Variants in CLASRP observed in about 807,000 individuals in gnomAD.
CLASRP encodes the protein CLK4-associating serine/arginine rich protein.
A neutral mutation model predicts 99.9 loss-of-function variants in CLASRP; 52 were observed. The ratio of observed to expected loss-of-function variants is 0.52; its 90% CI spans 0.42 to 0.66. The LOEUF (loss-of-function observed/expected upper bound fraction) is 0.66, where lower values mean the gene tolerates loss of function less well. CLASRP is among the 30% of genes least tolerant of loss of function. The probability of loss-of-function intolerance (pLI) is 0.00; values close to 1 mark genes in which losing one functional copy is unlikely to be tolerated. For missense variants in CLASRP, 848 were observed against 999.2 expected, an observed-to-expected ratio of 0.85 and a Z score of 2.04; for synonymous variants, 379 against 373.0, an observed-to-expected ratio of 1.02 and a Z score of -0.18.
chr19:45,062,692 C>CT lies in CLASRP; in HGVS notation c.905+500dup, dbSNP rs1448604051. ...CACCACGCCCGGCCAATAAAATTTT[C>CT]TTTATCTTTGAAGCTTCTTTATTTT... On this transcript the variant is annotated intron_variant, in intron 11 of 20. Transcript: ENST00000221455. 4.6e-5 allele frequency among the ~76,000 whole-genome samples: 7 copies of CT among 152,224 alleles called. No individual in the cohort carries two copies. The East Asian group carries it at 1.4e-3, about 29-fold the overall frequency.
At position 45,068,004 on chromosome 19, in the gene CLASRP, C is replaced by T. The variant is rs772968886; in HGVS notation, c.1668-11C>T. The T allele has an allele frequency of 3.1e-6, 5 of 1,608,260 alleles. No homozygotes were observed. The highest frequency in any genetic ancestry group is 2.2e-5 in the South Asian group (2 of 90,948). ...CTCCCAACCATGTCCTCTGGCCCTG[C>T]CCCCACCCAGGACCGAACCTGCCGC... On this transcript the variant is annotated splice_polypyrimidine_tract_variant and intron_variant, in intron 14 of 20. Coordinates refer to ENST00000221455, the MANE Select transcript of CLASRP (RefSeq NM_007056.3).
intron 5 of CLASRP, among the ~76,000 whole-genome samples, chr19:45,055,557 G>A (rs540393540): frequency 6.6e-5 from 10 of 152,294 alleles, no homozygotes; most frequent in Non-Finnish European, 1.2e-4. Context: ...GAGGCCAGCC[G>A]GGCACGGTGG....
At position 45,040,062 on chromosome 19, in the gene CLASRP, T is replaced by G. The variant is rs1421659456; in HGVS notation, c.-29-122T>G. On this transcript the variant is annotated intron_variant, in intron 1 of 20. Coordinates refer to ENST00000221455, the MANE Select transcript of CLASRP (RefSeq NM_007056.3). ...TACTGTTCTGCAGCTTCACTTCTGC[T>G]CCCTGAAGCTAAGAGATGTGTTGTT... 1.6e-5 allele frequency: 9 copies of G among 578,968 alleles called. No individual in the cohort carries two copies. In the Admixed American group the frequency reaches 2.6e-4, roughly 17 times the overall value. 35.9% of individuals were successfully genotyped at this position (578,968 alleles called of 1,614,324 possible).
intron 13 of CLASRP, among the ~76,000 whole-genome samples, chr19:45,065,958 G>T (rs1211807726): frequency 6.6e-6 from 1 of 152,184 alleles, no homozygotes; most frequent in Non-Finnish European, 1.5e-5. Flanking sequence ...TTCAGGGTCT[G>T]GCAGGTAAAG....
chr19:45,059,165 C>A, intron 7 of CLASRP, 103 bp from the exon 8 acceptor site: 1 of 903,636 alleles, frequency 1.1e-6, no homozygotes, highest in Non-Finnish European at 1.8e-6. Flanking sequence ...AAGAATCCCT[C>A]AGTCTGGCGG....
rs1966911350 is a variant in CLASRP at position 45,060,357 on chromosome 19, T to C, written c.711-32T>C. The C allele has an allele frequency of 3.1e-6, 5 of 1,603,222 alleles. No individual in the cohort carries two copies. Among genetic ancestry groups the C allele is most frequent in the Non-Finnish European group, 4.3e-6 (5 of 1,170,166 alleles). Reference sequence around the variant, plus strand: ...CCTCCTTACCCTGTGGCCTGCCCCATCCTCCACCCTAATTCTCACCCACCT... The same window carrying C: ...CCTCCTTACCCTGTGGCCTGCCCCACCCTCCACCCTAATTCTCACCCACCT... On this transcript the variant is annotated intron_variant, in intron 8 of 20. Coordinates refer to ENST00000221455, the MANE Select transcript of CLASRP (RefSeq NM_007056.3). The surrounding 1 kb of genome is among the most constrained non-coding windows in gnomAD (Gnocchi z 4.6).
At position 45,060,436 on chromosome 19, in the gene CLASRP, A is replaced by G. The variant is rs757565647; in HGVS notation, c.758A>G (p.Lys253Arg). The change falls in exon 9 of 21, where the codon AAG becomes AGG. Residue 253 changes from lysine to arginine, a missense_variant. Physicochemically the swap from Lys to Arg is conservative, Grantham distance 26. This residue lies in a region of CLASRP where 119 missense variants were observed against 170.2 expected (regional missense o/e 0.70). Transcript: ENST00000221455. This position sits in a 1 kb window ranked among gnomAD's most constrained non-coding sequence, Gnocchi z 4.6. ...KEEAEAIKHA[K>R]ALEEEKAMYS... ...GAGGCAGAGGCCATCAAGCATGCCAAGGCTCTTGAGGAGGAGAAGGCCATG... is the reference window on the plus strand; with the variant it reads ...GAGGCAGAGGCCATCAAGCATGCCAGGGCTCTTGAGGAGGAGAAGGCCATG... 2 of 1,614,180 alleles carry G rather than the reference A, an allele frequency of 1.2e-6. No homozygotes were observed. The highest frequency in any genetic ancestry group is 1.7e-6 in the Non-Finnish European group (2 of 1,180,026).
chr19:45,059,206 T>TGCCCCTTCTCCCCTGTCCTCTC, intron 7 of CLASRP, 62 bp from the exon 8 acceptor site: 10 of 1,410,332 alleles, frequency 7.1e-6, no homozygotes, highest in Non-Finnish European at 8.9e-6. Context: ...CCTGGAGCAC[T>TGCCCCTTCTCCCCTGTCCTCTC]GCCCCTTCTC....
In CLASRP at chr19:45,067,341, C is replaced by A; in HGVS notation, c.1414C>A (p.Arg472Ser). The A allele has an allele frequency of 6.6e-7, 1 of 1,510,168 alleles. No homozygotes were observed. The highest frequency in any genetic ancestry group is 8.8e-7 in the Non-Finnish European group (1 of 1,133,522). 93.5% of individuals were successfully genotyped at this position (1,510,168 alleles called of 1,614,324 possible). A position where few individuals can be genotyped will look rare whatever the true frequency, so the allele number is the denominator to read the frequency against. The change falls in exon 14 of 21, where the codon CGC becomes AGC. Residue 472 changes from arginine to serine, a missense_variant. Physicochemically the swap from Arg to Ser is moderately radical, Grantham distance 110 (BLOSUM62 -1). Around this residue, in one of 8 missense-constraint regions of CLASRP, gnomAD observed 489 missense variants for 434.7 expected, o/e 1.12. Coordinates refer to ENST00000221455, the MANE Select transcript of CLASRP (RefSeq NM_007056.3). This position sits in a 1 kb window ranked among gnomAD's most constrained non-coding sequence, Gnocchi z 4.9. ...GYGPRRRSRS[R>S]SHSGDRYRRG... Reference sequence around the variant, plus strand: ...CCCGCCCTGCTGCATCCCCAGGAGCCGCTCCCACTCAGGGGACCGCTACAG... The same window carrying A: ...CCCGCCCTGCTGCATCCCCAGGAGCAGCTCCCACTCAGGGGACCGCTACAG...
rs746672440 is a variant in CLASRP, at chr19:45,067,550, G to A, written c.1623G>A (p.Leu541=). The A allele has an allele frequency of 5.7e-5, 91 of 1,605,564 alleles. No individual in the cohort carries two copies. In the Middle Eastern group the frequency reaches 6.6e-4, roughly 12 times the overall value. Residue 541 remains leucine, a synonymous_variant, in exon 14 of 21, where the codon CTG becomes CTA. Transcript: ENST00000221455. This position sits in a 1 kb window ranked among gnomAD's most constrained non-coding sequence, Gnocchi z 4.9. ...SPSPSPAREK[L]TRPAASPAVG... ...CGCCATCACCCGCAAGAGAGAAGCTGACCAGGCCGGCCGCGTCCCCTGCTG... is the reference window on the plus strand; with the variant it reads ...CGCCATCACCCGCAAGAGAGAAGCTAACCAGGCCGGCCGCGTCCCCTGCTG...
chr19:45,040,970 C>T (rs1454871433), intron 2 of CLASRP, among the ~76,000 whole-genome samples: 1 of 151,708 alleles, frequency 6.6e-6, no homozygotes, highest in Non-Finnish European at 1.5e-5. Flanking sequence ...CGCCTGTAAT[C>T]CCAGCACTTT....
chr19:45,053,595 C>T (rs1334821507), intron 5 of CLASRP, among the ~76,000 whole-genome samples: 2 of 152,110 alleles, frequency 1.3e-5, no homozygotes, highest in East Asian at 3.8e-4. Context: ...TATCCTGCCT[C>T]AGCCTCCTGA....
intron 2 of CLASRP, among the ~76,000 whole-genome samples, chr19:45,044,108 C>G (rs902909297): frequency 3.3e-5 from 5 of 152,222 alleles, no homozygotes; most frequent in African/African-American, 1.2e-4. Context: ...TCTCAAACTC[C>G]TGACTGCAAG....
rs543390669 is a variant in CLASRP, at chr19:45,064,250, G to A, written c.1121+23G>A. ...CCGGTCGGTAACGCTCACGCCGCCCGCCCTACGCCCCGGTCACCATGGGGG... is the reference window on the plus strand; with the variant it reads ...CCGGTCGGTAACGCTCACGCCGCCCACCCTACGCCCCGGTCACCATGGGGG... On this transcript the variant is annotated intron_variant, in intron 12 of 20. Transcript: ENST00000221455. The A allele has an allele frequency of 3.7e-5, 58 of 1,557,968 alleles. No individual in the cohort carries two copies. The South Asian group carries it at 6.4e-4, about 17-fold the overall frequency.
intron 11 of CLASRP, among the ~76,000 whole-genome samples, chr19:45,063,373 C>T (rs769972442): frequency 2.7e-5 from 4 of 149,734 alleles, no homozygotes; most frequent in Non-Finnish European, 5.9e-5. Context: ...GCTTTTTCCT[C>T]CCAGATTATC....
chr19:45,046,984 G>A (rs146852078), intron 2 of CLASRP, among the ~76,000 whole-genome samples: 14 of 152,180 alleles, frequency 9.2e-5, no homozygotes, highest in Non-Finnish European at 2.1e-4. Context: ...CCTAGATCAC[G>A]CCATTGCAGC....
chr19:45,060,521 C>T lies in CLASRP; in HGVS notation c.790-33C>T. 1 of 1,612,378 alleles carries T rather than the reference C, an allele frequency of 6.2e-7. No homozygotes were observed. The highest frequency in any genetic ancestry group is 8.5e-7 in the Non-Finnish European group (1 of 1,178,568). Reference sequence around the variant, plus strand: ...CAGGGGTGTGTCACAGGGAGGGCACCCCCTCACCAACCTGGCACCCACCCT... The same window carrying T: ...CAGGGGTGTGTCACAGGGAGGGCACTCCCTCACCAACCTGGCACCCACCCT... On this transcript the variant is annotated intron_variant, in intron 9 of 20. Transcript: ENST00000221455. This position sits in a 1 kb window ranked among gnomAD's most constrained non-coding sequence, Gnocchi z 4.6.
intron 11 of CLASRP, among the ~76,000 whole-genome samples, 190 bp downstream of exon 11, chr19:45,062,385 A>ATT (rs1315193017): frequency 1.3e-5 from 2 of 150,756 alleles, no homozygotes; most frequent in Non-Finnish European, 3.0e-5. Flanking sequence ...TTTAAATAAA[A>ATT]TTTTTTTTTT....
At position 45,058,620 on chromosome 19, in the gene CLASRP, C is replaced by T. The variant is rs191251177; in HGVS notation, c.614-648C>T. Reference sequence around the variant, plus strand: ...CAGGCTGGTCTTGAACTCCTGACCTCGTGATCCACTTGCCTCGGCCTCCCA... The same window carrying T: ...CAGGCTGGTCTTGAACTCCTGACCTTGTGATCCACTTGCCTCGGCCTCCCA... On this transcript the variant is annotated intron_variant, in intron 7 of 20. Coordinates refer to ENST00000221455, the MANE Select transcript of CLASRP (RefSeq NM_007056.3). Among the ~76,000 whole-genome samples, 81 of 152,180 alleles carry T rather than the reference C, an allele frequency of 5.3e-4. 1 individual carries two copies. Among genetic ancestry groups the T allele is most frequent in the Admixed American group, 4.2e-3 (64 of 15,284 alleles).
Sources: allele counts gnomAD v4.1 joint callset (sites outside exome capture counted in the v4.1 genomes callset), GRCh38; gene constraint gnomAD v4.1.1; regional missense constraint gnomAD v4.1.1; non-coding constraint Gnocchi (gnomAD v3.1); transcripts MANE v1.5; gene names NCBI Gene and HGNC (gene_info 2026-07-23, HGNC 2026-07-21).